DENND5B: variants seen among roughly 807,000 people sequenced by gnomAD.
DENND5B encodes the protein DENN domain containing 5B, also known as DENN domain-containing protein 5B.
In DENND5B, 34 loss-of-function variants were observed where a neutral mutation model predicts 140.6. The ratio of observed to expected loss-of-function variants is 0.24; its 90% CI spans 0.18 to 0.32. The LOEUF (loss-of-function observed/expected upper bound fraction) is 0.32, where lower values mean the gene tolerates loss of function less well. Ranked by LOEUF, DENND5B falls within the 10% of genes least tolerant of loss-of-function variation. The probability of loss-of-function intolerance (pLI) is 1.00; values close to 1 mark genes in which losing one functional copy is unlikely to be tolerated. For synonymous variants in DENND5B, 551 were observed against 562.1 expected, an observed-to-expected ratio of 0.98 and a Z score of 0.28; for missense variants, 1,142 against 1,560.2, an observed-to-expected ratio of 0.73 and a Z score of 4.52.
intron 1 of DENND5B, among the ~76,000 whole-genome samples, chr12:31,530,510 G>A (rs1283147552): frequency 6.6e-6 from 1 of 152,108 alleles, no homozygotes; most frequent in Non-Finnish European, 1.5e-5. Flanking sequence ...TATTCTCAAT[G>A]GTATCCATTA....
chr12:31,444,454 G>GGCTGGT (rs1174078376), intron 6 of DENND5B, among the ~76,000 whole-genome samples: 1 of 152,132 alleles, frequency 6.6e-6, no homozygotes, highest in Non-Finnish European at 1.5e-5. Context: ...ACATTGGCCA[G>GGCTGGT]GCTGGTCTCG....
rs1946572879 is a variant in DENND5B at position 31,492,568 on chromosome 12, A to G, written c.237+3242T>C. ...AGGCTAGAACCTCACTTTGAATACC[A>G]TTCTGATTTCTCACAGAATAAGTTA... On this transcript the variant is annotated intron_variant, in intron 2 of 20. Transcript: ENST00000389082. Among the ~76,000 whole-genome samples the G allele has an allele frequency of 2.0e-5, 3 of 152,310 alleles. No individual in the cohort carries two copies. The South Asian group carries it at 6.2e-4, about 32-fold the overall frequency.
Position 31,399,785 on chromosome 12 carries a change from G to C in DENND5B, c.2950-13C>G. The C allele has an allele frequency of 6.2e-7, 1 of 1,602,460 alleles. No homozygotes were observed. The highest frequency in any genetic ancestry group is 8.5e-7 in the Non-Finnish European group (1 of 1,170,650). ...CCAAGTTCTGGCACTGTAGGGACAG[G>C]ACCTTAGGTTATTTAGTACCCAATC... On this transcript the variant is annotated splice_polypyrimidine_tract_variant and intron_variant, in intron 15 of 20. Coordinates refer to ENST00000389082, the MANE Select transcript of DENND5B (RefSeq NM_144973.4).
At chr12:31,564,928 T>C (rs1363865614) in intron 1 of DENND5B, among the ~76,000 whole-genome samples, 1 of 152,110 alleles carries the variant, frequency 6.6e-6, no homozygotes, top group African/African-American at 2.4e-5. Context: ...ATTGTATTAT[T>C]TCCTTCAGCG....
intron 2 of DENND5B, 61 bp downstream of exon 2, chr12:31,495,749 C>A: frequency 2.4e-6 from 3 of 1,229,444 alleles, no homozygotes; most frequent in Non-Finnish European, 3.4e-6. Context: ...CAGTCACTAC[C>A]TTCATATTAA....
intron 14 of DENND5B, among the ~76,000 whole-genome samples, chr12:31,402,855 G>A (rs924486708): frequency 5.3e-5 from 8 of 151,930 alleles, no homozygotes; most frequent in Middle Eastern, 3.4e-3. Flanking sequence ...TCGTAGCAGT[G>A]GTTTTCACAG....
chr12:31,560,108 T>C (rs1021537101), intron 1 of DENND5B, among the ~76,000 whole-genome samples: 4 of 152,152 alleles, frequency 2.6e-5, no homozygotes, highest in African/African-American at 4.8e-5. Context: ...GCCTCCATAA[T>C]GTATAATTCC....
At chr12:31,434,531 AT>A (rs1289248884) in intron 7 of DENND5B, among the ~76,000 whole-genome samples, 5 of 152,118 alleles carry the variant, frequency 3.3e-5, no homozygotes, top group Non-Finnish European at 7.4e-5. Context: ...CCTGGATGAT[AT>A]GAGGGGCTTA....
intron 1 of DENND5B, among the ~76,000 whole-genome samples, chr12:31,581,716 G>T (rs1404337587): frequency 7.2e-6 from 1 of 138,736 alleles, no homozygotes; most frequent in Non-Finnish European, 1.6e-5. Flanking sequence ...AAAAAAAGTA[G>T]CTTTTCTGGA....
intron 2 of DENND5B, among the ~76,000 whole-genome samples, chr12:31,494,896 G>A (rs892504816): frequency 1.3e-5 from 2 of 152,152 alleles, no homozygotes; most frequent in African/African-American, 4.8e-5. Flanking sequence ...CTCCCACCCT[G>A]TGGATTGTAC....
intron 1 of DENND5B, among the ~76,000 whole-genome samples, chr12:31,518,398 A>G (rs1389396735): frequency 2.6e-5 from 4 of 152,140 alleles, no homozygotes; most frequent in African/African-American, 9.7e-5. Flanking sequence ...GGCTTGAATT[A>G]AGAGTCTCCA....
At chr12:31,520,618 G>A (rs933766138) in intron 1 of DENND5B, among the ~76,000 whole-genome samples, 53 of 152,170 alleles carry the variant, frequency 3.5e-4, no homozygotes, top group Middle Eastern at 3.4e-3. Flanking sequence ...TCAGCTCACT[G>A]CAACCTCCAC....
chr12:31,563,054 A>G (rs1299782646), intron 1 of DENND5B, among the ~76,000 whole-genome samples: 3 of 152,188 alleles, frequency 2.0e-5, no homozygotes, highest in Non-Finnish European at 4.4e-5. Context: ...AAAGTCTACA[A>G]ACTTTTTGTT....
chr12:31,581,330 CT>C (rs1950202467), intron 1 of DENND5B, among the ~76,000 whole-genome samples: 1 of 152,018 alleles, frequency 6.6e-6, no homozygotes, highest in South Asian at 2.1e-4. Flanking sequence ...CCCCTGGGTC[CT>C]TAAAAGTCCA....
intron 20 of DENND5B, among the ~76,000 whole-genome samples, chr12:31,388,194 G>A (rs1940940497): frequency 6.8e-6 from 1 of 146,628 alleles, no homozygotes; most frequent in Non-Finnish European, 1.5e-5. Context: ...TGACCTTTTG[G>A]AAGAAAGACT....
At chr12:31,458,524 A>G (rs1944881250) in intron 4 of DENND5B, among the ~76,000 whole-genome samples, 1 of 152,218 alleles carries the variant, frequency 6.6e-6, no homozygotes, top group Admixed American at 6.5e-5. Context: ...AAAACAGAGA[A>G]GAAAAACATG....
At chr12:31,435,023 G>A (rs1943676720) in intron 7 of DENND5B, among the ~76,000 whole-genome samples, 1 of 152,202 alleles carries the variant, frequency 6.6e-6, no homozygotes. Flanking sequence ...TCTGCGGAAA[G>A]CCACCTAAAC....
intron 1 of DENND5B, among the ~76,000 whole-genome samples, chr12:31,526,608 G>T (rs1948092352): frequency 6.6e-6 from 1 of 152,184 alleles, no homozygotes; most frequent in Non-Finnish European, 1.5e-5. Flanking sequence ...AGAGATTAGG[G>T]GAGACTAAAG....
chr12:31,413,832 T>C (rs1942589933), intron 12 of DENND5B, among the ~76,000 whole-genome samples: 1 of 152,260 alleles, frequency 6.6e-6, no homozygotes, highest in South Asian at 2.1e-4. Context: ...GGCTTTATTA[T>C]GTCCTTGTGG....
Sources: gnomAD v4.1 joint callset for allele counts (sites outside exome capture counted in the v4.1 genomes callset) on GRCh38, gnomAD v4.1.1 for gene constraint, MANE v1.5 for transcripts, NCBI Gene and HGNC (gene_info 2026-07-23, HGNC 2026-07-21) for gene names.